EPHA6: variants seen among roughly 807,000 people sequenced by gnomAD.
The protein encoded by EPHA6 is EPH receptor A6, also known as ephrin type-A receptor 6.
A neutral mutation model predicts 112.0 loss-of-function variants in EPHA6; 50 were observed. The observed-to-expected ratio is 0.45, with a 90% CI of 0.36 to 0.56. The LOEUF (loss-of-function observed/expected upper bound fraction) is 0.56, where lower values mean the gene tolerates loss of function less well. Among genes scored for constraint, EPHA6 ranks in the 20% least tolerant of loss-of-function variants. The pLI, the probability that EPHA6 is intolerant of heterozygous loss-of-function variation, is 0.00. For synonymous variants in EPHA6, 529 were observed against 490.7 expected, an observed-to-expected ratio of 1.08 and a Z score of -1.03; for missense variants, 1,280 against 1,417.4, an observed-to-expected ratio of 0.90 and a Z score of 1.56.
chr3:97,286,409 T>C (rs2080466020), intron 5 of EPHA6, among the ~76,000 whole-genome samples: 1 of 152,206 alleles, frequency 6.6e-6, no homozygotes, highest in Non-Finnish European at 1.5e-5. Context: ...GAGTTGATTT[T>C]TTTGTATATG....
At chr3:97,253,272 G>A (rs943053154) in intron 5 of EPHA6, among the ~76,000 whole-genome samples, 2 of 152,126 alleles carry the variant, frequency 1.3e-5, no homozygotes, top group African/African-American at 4.8e-5. Flanking sequence ...TTTTATGAAA[G>A]AAAGCCTAGT....
intron 3 of EPHA6, among the ~76,000 whole-genome samples, chr3:97,116,526 C>T (rs2108293987): frequency 6.6e-6 from 1 of 151,804 alleles, no homozygotes; most frequent in East Asian, 1.9e-4. Context: ...CTGGGAACCA[C>T]ATTATATTCT....
At chr3:97,183,232 ATG>A (rs1241470000) in intron 3 of EPHA6, among the ~76,000 whole-genome samples, 2 of 152,126 alleles carry the variant, frequency 1.3e-5, no homozygotes, top group African/African-American at 4.8e-5. Flanking sequence ...AGTAGAGTCA[ATG>A]TACTTTCCCA....
At chr3:97,552,304 A>T (rs1312428468) in intron 11 of EPHA6, among the ~76,000 whole-genome samples, 1 of 152,186 alleles carries the variant, frequency 6.6e-6, no homozygotes, top group Non-Finnish European at 1.5e-5. Flanking sequence ...CTACAGAAAA[A>T]ATCTTAATTG....
intron 11 of EPHA6, among the ~76,000 whole-genome samples, chr3:97,554,746 G>A (rs556198885): frequency 1.6e-4 from 24 of 151,974 alleles, no homozygotes; most frequent in African/African-American, 5.1e-4. Context: ...CTGTACTTGA[G>A]AACAGACACA....
chr3:97,099,853 G>C (rs770323744), intron 3 of EPHA6, among the ~76,000 whole-genome samples: 3 of 151,994 alleles, frequency 2.0e-5, no homozygotes, highest in Non-Finnish European at 4.4e-5. Context: ...TTTGGATTAT[G>C]AAGTGAGTGA....
At chr3:96,988,187 GATTT>G (rs1247429673) in intron 3 of EPHA6, among the ~76,000 whole-genome samples, 194 bp downstream of exon 3, 3 of 151,940 alleles carry the variant, frequency 2.0e-5, no homozygotes. Context: ...TCAAAATGAC[GATTT>G]ATTAAAAGTA....
intron 2 of EPHA6, among the ~76,000 whole-genome samples, chr3:96,867,846 TAA>T (rs1424786938): frequency 1.3e-5 from 2 of 151,976 alleles, no homozygotes; most frequent in African/African-American, 4.8e-5. Context: ...AGTTATTCAC[TAA>T]GTGTGTATTT....
rs75941543 is a variant in EPHA6, at chr3:97,566,493, G to T, written c.2387-26119G>T. 3.7e-3 allele frequency among the ~76,000 whole-genome samples: 562 copies of T among 152,350 alleles called. 4 individuals are homozygous for T. The highest frequency in any genetic ancestry group is 0.013 in the African/African-American group (543 of 41,598). Reference sequence around the variant, plus strand: ...CTTGTTGCTAATGCTAGGATTGTATGAGTAGTGCTGCTTTGGGATCCAATC... The same window carrying T: ...CTTGTTGCTAATGCTAGGATTGTATTAGTAGTGCTGCTTTGGGATCCAATC... On this transcript the variant is annotated intron_variant, in intron 11 of 17. Transcript: ENST00000389672.
At chr3:97,645,604 A>G (rs2094053300) in intron 14 of EPHA6, among the ~76,000 whole-genome samples, 2 of 151,708 alleles carry the variant, frequency 1.3e-5, no homozygotes, top group African/African-American at 4.8e-5. Context: ...AGCATGGCAC[A>G]TGTATACATA....
At chr3:97,728,283 C>T (rs780495792) in intron 15 of EPHA6, among the ~76,000 whole-genome samples, 5 of 151,530 alleles carry the variant, frequency 3.3e-5, no homozygotes, top group Non-Finnish European at 7.4e-5. Context: ...CCAGAGAGTG[C>T]TTGGGAAATG....
At chr3:97,307,772 T>G (rs1349643217) in intron 5 of EPHA6, among the ~76,000 whole-genome samples, 1 of 151,714 alleles carries the variant, frequency 6.6e-6, no homozygotes, top group African/African-American at 2.4e-5. Context: ...ACCACATGGG[T>G]AGTGTTAAAT....
Position 97,509,251 on chromosome 3 carries a change from C to G in EPHA6, c.2201-23107C>G, listed in dbSNP as rs545794391. Reference sequence around the variant, plus strand: ...TTATGATGTTAGCTGGTTATTTTGTCCATTAGTTGATGCAGTTTCTTCATA... The same window carrying G: ...TTATGATGTTAGCTGGTTATTTTGTGCATTAGTTGATGCAGTTTCTTCATA... On this transcript the variant is annotated intron_variant, in intron 10 of 17. Transcript: ENST00000389672. Among the ~76,000 whole-genome samples, 31 of 151,716 alleles carry G rather than the reference C, an allele frequency of 2.0e-4. 1 individual carries two copies. In the South Asian group the frequency reaches 2.5e-3, roughly 12 times the overall value.
intron 2 of EPHA6, among the ~76,000 whole-genome samples, chr3:96,926,699 T>C (rs916459102): frequency 1.3e-5 from 2 of 152,220 alleles, no homozygotes; most frequent in Non-Finnish European, 2.9e-5. Flanking sequence ...ATCTTAAAGC[T>C]CTGAAATGAT....
chr3:97,212,937 A>G (rs2077916563), intron 3 of EPHA6, among the ~76,000 whole-genome samples: 1 of 152,184 alleles, frequency 6.6e-6, no homozygotes, highest in Non-Finnish European at 1.5e-5. Context: ...ACAACAGTAT[A>G]TGATTTCTAT....
At chr3:96,834,099 T>A (rs1293804130) in intron 1 of EPHA6, among the ~76,000 whole-genome samples, 1 of 151,996 alleles carries the variant, frequency 6.6e-6, no homozygotes, top group Non-Finnish European at 1.5e-5. Flanking sequence ...CTTGATAAAT[T>A]TCTGGAGGAA....
At chr3:97,747,358 G>C in intron 16 of EPHA6, 65 bp from the exon 17 acceptor site, 1 of 1,313,946 alleles carries the variant, frequency 7.6e-7, no homozygotes, top group Non-Finnish European at 1.0e-6. Context: ...ATAAAGTTCC[G>C]TGATTTGTGC....
At chr3:97,084,455 T>C (rs545392857) in intron 3 of EPHA6, among the ~76,000 whole-genome samples, 1 of 151,932 alleles carries the variant, frequency 6.6e-6, no homozygotes, top group African/African-American at 2.4e-5. Flanking sequence ...TTCTATAGAG[T>C]ACTTTGCGTT....
intron 3 of EPHA6, among the ~76,000 whole-genome samples, chr3:97,074,480 G>T (rs918481847): frequency 1.3e-5 from 2 of 151,734 alleles, no homozygotes; most frequent in South Asian, 4.2e-4. Context: ...TAAAATGGTG[G>T]TTTAATTAGC....
Sources: allele counts gnomAD v4.1 joint callset (sites outside exome capture counted in the v4.1 genomes callset), GRCh38; gene constraint gnomAD v4.1.1; transcripts MANE v1.5; gene names NCBI Gene and HGNC (gene_info 2026-07-23, HGNC 2026-07-21).